The following DENND5B variants were observed in gnomAD, a reference collection of about 807,000 sequenced individuals.
The protein encoded by DENND5B is DENN domain containing 5B.
DENND5B carries 34 observed loss-of-function variants against 140.6 expected under a neutral mutation model. The observed-to-expected ratio is 0.24, with a 90% CI of 0.18 to 0.32. The LOEUF is 0.32. Among genes scored for constraint, DENND5B ranks in the 10% least tolerant of loss-of-function variants. DENND5B has a pLI of 1.00. For missense variants in DENND5B, 1,142 were observed against 1,560.2 expected (o/e 0.73, Z 4.52); for synonymous variants, 551 against 562.1 (o/e 0.98, Z 0.28).
chr12:31,587,249 G>A (rs1950425648), intron 1 of DENND5B, among the ~76,000 whole-genome samples: 1 of 152,070 alleles, frequency 6.6e-6, no homozygotes, highest in Non-Finnish European at 1.5e-5. Flanking sequence ...AATGTCTAAT[G>A]GACACATCAA....
chr12:31,520,838 T>C (rs1346451145), intron 1 of DENND5B, among the ~76,000 whole-genome samples: 1 of 103,984 alleles, frequency 9.6e-6, no homozygotes, highest in Non-Finnish European at 1.8e-5. Context: ...ATTTTAAAAA[T>C]AGTTAACAAC....
chr12:31,472,175 A>T (rs919509636), intron 3 of DENND5B, among the ~76,000 whole-genome samples: 2 of 152,226 alleles, frequency 1.3e-5, no homozygotes, highest in African/African-American at 4.8e-5. Context: ...GCTTACTCTC[A>T]TCTTACAGAT....
chr12:31,405,737 G>A (rs1227016109), intron 14 of DENND5B, among the ~76,000 whole-genome samples: 2 of 151,362 alleles, frequency 1.3e-5, no homozygotes, highest in African/African-American at 4.9e-5. Context: ...TAGCAGAGAC[G>A]GGGTTTTATC....
intron 8 of DENND5B, among the ~76,000 whole-genome samples, chr12:31,429,648 ATCCAC>A (rs1344066355): frequency 6.6e-6 from 1 of 151,578 alleles, no homozygotes; most frequent in Admixed American, 6.6e-5. Flanking sequence ...ACCTCAAGTG[ATCCAC>A]TCAACTTGGC....
intron 1 of DENND5B, among the ~76,000 whole-genome samples, chr12:31,580,136 C>T (rs914381756): frequency 1.3e-5 from 2 of 151,986 alleles, no homozygotes; most frequent in Non-Finnish European, 2.9e-5. Context: ...CTCTTTAGTA[C>T]AACCACTTTC....
chr12:31,479,225 T>A (rs1393780867), intron 3 of DENND5B, among the ~76,000 whole-genome samples: 1 of 152,202 alleles, frequency 6.6e-6, no homozygotes, highest in Non-Finnish European at 1.5e-5. Context: ...GAATGGGAAG[T>A]CTACACGTTT....
At position 31,515,166 on chromosome 12, in the gene DENND5B, G is replaced by A. The variant is rs991656425; in HGVS notation, c.128-19247C>T. 3.3e-5 allele frequency among the ~76,000 whole-genome samples: 5 copies of A among 152,084 alleles called. No homozygotes were observed. In the South Asian group the frequency reaches 1.0e-3, roughly 32 times the overall value. On this transcript the variant is annotated intron_variant, in intron 1 of 20. Coordinates refer to ENST00000389082, the MANE Select transcript of DENND5B (RefSeq NM_144973.4). The stretch of plus-strand genomic sequence containing the variant: ...TAAGACTTGCGATTATAAGCCGAGT[G>A]TGGTGGTGCATGTCTGCAGTCCGAG...
intron 1 of DENND5B, among the ~76,000 whole-genome samples, chr12:31,556,039 C>T (rs1014188254): frequency 1.3e-5 from 2 of 152,224 alleles, no homozygotes; most frequent in African/African-American, 2.4e-5. Flanking sequence ...CTTCGGCTTG[C>T]GCGTGGTGCG....
At chr12:31,500,382 T>TA (rs905923935) in intron 1 of DENND5B, 5 of 454,008 alleles carry the variant, frequency 1.1e-5, no homozygotes, top group Non-Finnish European at 2.2e-5. Flanking sequence ...TGACCAACTT[T>TA]AAAAAATTAC....
At chr12:31,546,920 T>C (rs978908467) in intron 1 of DENND5B, among the ~76,000 whole-genome samples, 1 of 152,252 alleles carries the variant, frequency 6.6e-6, no homozygotes, top group African/African-American at 2.4e-5. Context: ...AAAAATATCA[T>C]ACTAACATTC....
At chr12:31,579,590 G>A (rs1950141853) in intron 1 of DENND5B, among the ~76,000 whole-genome samples, 1 of 152,134 alleles carries the variant, frequency 6.6e-6, no homozygotes, top group African/African-American at 2.4e-5. Context: ...GAACCCAGGA[G>A]GCAGATACTG....
chr12:31,402,865 GC>G (rs1473343147), intron 14 of DENND5B, among the ~76,000 whole-genome samples: 1 of 152,034 alleles, frequency 6.6e-6, no homozygotes, highest in Non-Finnish European at 1.5e-5. Context: ...GGTTTTCACA[GC>G]ATGTATATCA....
At chr12:31,485,561 G>A (rs1471556017) in intron 2 of DENND5B, among the ~76,000 whole-genome samples, 2 of 152,192 alleles carry the variant, frequency 1.3e-5, no homozygotes, top group Non-Finnish European at 2.9e-5. Context: ...CTTTAAACAC[G>A]TAAGTATGGT....
intron 11 of DENND5B, among the ~76,000 whole-genome samples, chr12:31,421,733 G>A (rs1285978340): frequency 6.6e-6 from 1 of 151,936 alleles, no homozygotes; most frequent in Non-Finnish European, 1.5e-5. Context: ...TTAATTTTTA[G>A]TAGAAACAGG....
rs376499893 is a variant in DENND5B, at chr12:31,562,151, A to G, written c.127+28555T>C. Among the ~76,000 whole-genome samples, 24 of 152,370 alleles carry G rather than the reference A, an allele frequency of 1.6e-4. No individual in the cohort carries two copies. In the East Asian group the frequency reaches 4.4e-3, roughly 28 times the overall value. On this transcript the variant is annotated intron_variant, in intron 1 of 20. Transcript: ENST00000389082. ...GTTTCCCTCAAGTAGCTTCAAGTCT[A>G]GAAGTCAGAAAGACATGCTTAGAAA...
intron 8 of DENND5B, chr12:31,426,757 T>C (rs1214160265): frequency 4.3e-6 from 1 of 231,068 alleles, no homozygotes; most frequent in Non-Finnish European, 8.6e-6. Flanking sequence ...CAAAAAAATT[T>C]AGGTGTTTAG....
At chr12:31,557,153 A>ATTAGTAATTTAATGTC (rs1176608187) in intron 1 of DENND5B, among the ~76,000 whole-genome samples, 6 of 152,236 alleles carry the variant, frequency 3.9e-5, no homozygotes, top group African/African-American at 1.2e-4. Flanking sequence ...ACTACATATG[A>ATTAGTAATTTAATGTC]TTAGTAAGAC....
At chr12:31,493,401 A>G (rs1437324272) in intron 2 of DENND5B, among the ~76,000 whole-genome samples, 1 of 152,188 alleles carries the variant, frequency 6.6e-6, no homozygotes, top group Non-Finnish European at 1.5e-5. Context: ...TCTTTAAAAT[A>G]CTAAAAAAGA....
At chr12:31,418,802 GA>G (rs1942889416) in intron 11 of DENND5B, among the ~76,000 whole-genome samples, 1 of 151,592 alleles carries the variant, frequency 6.6e-6, no homozygotes, top group Non-Finnish European at 1.5e-5. Context: ...GAACAAGTGA[GA>G]AACTTCATTT....
Sources: gnomAD v4.1 joint callset for allele counts (sites outside exome capture counted in the v4.1 genomes callset) on GRCh38, gnomAD v4.1.1 for gene constraint, MANE v1.5 for transcripts, NCBI Gene and HGNC (gene_info 2026-07-23, HGNC 2026-07-21) for gene names.